SIPA1L1: variants seen among roughly 807,000 people sequenced by gnomAD.
The protein encoded by SIPA1L1 is signal-induced proliferation-associated 1-like protein 1.
A neutral mutation model predicts 162.7 loss-of-function variants in SIPA1L1; 26 were observed. The ratio of observed to expected loss-of-function variants is 0.16; its 90% CI spans 0.12 to 0.22. The LOEUF (loss-of-function observed/expected upper bound fraction) is 0.22, where lower values mean the gene tolerates loss of function less well. Ranked by LOEUF, SIPA1L1 falls within the 10% of genes least tolerant of loss-of-function variation. The probability of loss-of-function intolerance (pLI) is 1.00; values close to 1 mark genes in which losing one functional copy is unlikely to be tolerated. For missense variants in SIPA1L1, 1,874 were observed against 2,241.0 expected (o/e 0.84, Z 3.31); for synonymous variants, 829 against 837.4 (o/e 0.99, Z 0.17).
At position 71,739,380 on chromosome 14, in the gene SIPA1L1, GTAAAA is replaced by G. The variant is rs999959298; in HGVS notation, c.*225_*229del. 8 of 337,850 alleles carry G rather than the reference GTAAAA, an allele frequency of 2.4e-5. No homozygotes were observed. The highest frequency in any genetic ancestry group is 4.2e-5 in the Non-Finnish European group (8 of 188,776). The allele number at this position is 337,850 out of a possible 1,614,324, so 20.9% of individuals were successfully genotyped here. On this transcript the variant is annotated 3_prime_UTR_variant, in exon 24 of 24. Coordinates refer to ENST00000381232, the MANE Select transcript of SIPA1L1 (RefSeq NM_001386936.1). ...AAAAAGTAAATAAAAATTTTAAACAGTAAAATAAAAGTTTAACTGCTAAAATGTGA... is the reference window on the plus strand; with the variant it reads ...AAAAAGTAAATAAAAATTTTAAACAGTAAAAGTTTAACTGCTAAAATGTGA...
intron 2 of SIPA1L1, chr14:71,330,852 AT>A: frequency 1.7e-6 from 1 of 576,578 alleles, no homozygotes. Context: ...ATTTGCAAAT[AT>A]TTTTTCCACT....
At chr14:71,342,302 G>A (rs1056828964) in intron 2 of SIPA1L1, among the ~76,000 whole-genome samples, 13 of 152,240 alleles carry the variant, frequency 8.5e-5, no homozygotes, top group African/African-American at 3.1e-4. Flanking sequence ...TTAGAGATGT[G>A]AGCCACCGTA....
intron 4 of SIPA1L1, among the ~76,000 whole-genome samples, chr14:71,551,691 G>A (rs1342029578): frequency 2.0e-5 from 3 of 152,036 alleles, no homozygotes; most frequent in African/African-American, 7.3e-5. Context: ...CCCATACCAG[G>A]CCCTGCAAGC....
At chr14:71,330,474 T>C in intron 2 of SIPA1L1, 3 of 1,606,386 alleles carry the variant, frequency 1.9e-6, no homozygotes, top group Non-Finnish European at 1.7e-6. Flanking sequence ...CATTCACAGC[T>C]AGAACTTGGT....
chr14:71,661,111 A>G lies in SIPA1L1; in HGVS notation c.2098-199A>G, dbSNP rs2043469442. On this transcript the variant is annotated intron_variant, in intron 9 of 23. Transcript: ENST00000381232. ...TTTGAATGGCTGTATCTTTTATGCA[A>G]ATTTCAGAATGTTCGTTTCTATGTT... 2.0e-5 allele frequency among the ~76,000 whole-genome samples: 3 copies of G among 152,260 alleles called. No homozygotes were observed. In the South Asian group the frequency reaches 6.2e-4, roughly 32 times the overall value.
chr14:71,689,699 G>T (rs2081116730), intron 13 of SIPA1L1, among the ~76,000 whole-genome samples: 1 of 152,018 alleles, frequency 6.6e-6, no homozygotes, highest in South Asian at 2.1e-4. Context: ...TTTGATGTTA[G>T]AGCTCACTGA....
At chr14:71,444,452 A>C (rs934407641) in intron 2 of SIPA1L1, among the ~76,000 whole-genome samples, 1 of 152,184 alleles carries the variant, frequency 6.6e-6, no homozygotes, top group African/African-American at 2.4e-5. Flanking sequence ...AAGAAGGTAA[A>C]AAGTTCCCAG....
chr14:71,718,117 A>C (rs2083409070), intron 17 of SIPA1L1, among the ~76,000 whole-genome samples: 1 of 152,188 alleles, frequency 6.6e-6, no homozygotes, highest in Non-Finnish European at 1.5e-5. Flanking sequence ...CATTTTACCT[A>C]ATCTTCCAGG....
chr14:71,401,397 CTTT>C (rs774351095), intron 2 of SIPA1L1, among the ~76,000 whole-genome samples: 1 of 135,888 alleles, frequency 7.4e-6, no homozygotes, highest in Non-Finnish European at 1.6e-5. Flanking sequence ...AAAAAGGCTG[CTTT>C]TTTTTTTTTT....
chr14:71,684,573 C>T (rs2046107476), intron 12 of SIPA1L1, among the ~76,000 whole-genome samples: 1 of 152,190 alleles, frequency 6.6e-6, no homozygotes, highest in African/African-American at 2.4e-5. Flanking sequence ...GGAGCCCAGT[C>T]GCAATGTGCG....
intron 13 of SIPA1L1, among the ~76,000 whole-genome samples, chr14:71,686,381 A>G (rs2080867326): frequency 6.6e-6 from 1 of 152,206 alleles, no homozygotes; most frequent in African/African-American, 2.4e-5. Context: ...CCAGGCCTAA[A>G]ATTAAACTAG....
chr14:71,343,473 A>G (rs980376086), intron 2 of SIPA1L1, among the ~76,000 whole-genome samples: 1 of 152,132 alleles, frequency 6.6e-6, no homozygotes, highest in Non-Finnish European at 1.5e-5. Context: ...ATTTAAATGT[A>G]CCGTCTTTGA....
intron 17 of SIPA1L1, among the ~76,000 whole-genome samples, chr14:71,721,478 G>C (rs1280330213): frequency 2.6e-5 from 4 of 152,216 alleles, no homozygotes; most frequent in South Asian, 4.1e-4. Context: ...GGGCTGGTTA[G>C]TCAGCAGGTG....
intron 2 of SIPA1L1, among the ~76,000 whole-genome samples, chr14:71,426,343 T>G (rs1303694924): frequency 6.6e-6 from 1 of 152,026 alleles, no homozygotes; most frequent in Non-Finnish European, 1.5e-5. Flanking sequence ...TGTTGACTTT[T>G]GTATTTGTTT....
In SIPA1L1 at chr14:71,709,313, A is replaced by T. The variant is rs768141986; in HGVS notation, c.3857A>T (p.Asp1286Val). The T allele has an allele frequency of 6.2e-7, 1 of 1,614,212 alleles. No individual in the cohort carries two copies. The change falls in exon 17 of 24, where the codon GAC (aspartate) becomes GTC (valine). Residue 1286 changes from aspartate (D) to valine (V), a missense_variant. This residue lies in a region of SIPA1L1 where 936 missense variants were observed against 1,051.9 expected (regional missense o/e 0.89). Coordinates refer to ENST00000381232, the MANE Select transcript of SIPA1L1 (RefSeq NM_001386936.1). ...AGTGATGAGAAGTGGTACGATGGGG[A>T]CCGCACAGAATCCGAACTCAACAGC... ...AHSDEKWYDG[D>V]RTESELNSYN...
At chr14:71,632,650 C>T (rs762631281) in intron 7 of SIPA1L1, among the ~76,000 whole-genome samples, 8 of 152,112 alleles carry the variant, frequency 5.3e-5, no homozygotes, top group South Asian at 4.1e-4. Context: ...CCAGCAATAA[C>T]GGGGTCTTCT....
intron 6 of SIPA1L1, among the ~76,000 whole-genome samples, chr14:71,623,227 C>T (rs1430720448): frequency 2.0e-5 from 3 of 152,174 alleles, no homozygotes; most frequent in Non-Finnish European, 2.9e-5. Flanking sequence ...AACTTGCACT[C>T]CTAGCTTTTG....
chr14:71,624,854 A>G lies in SIPA1L1; in HGVS notation c.1818+618A>G, dbSNP rs144539719. 6.7e-3 allele frequency among the ~76,000 whole-genome samples: 1,026 copies of G among 152,322 alleles called. 7 individuals are homozygous for G. The highest frequency in any genetic ancestry group is 0.012 in the Non-Finnish European group (797 of 68,028). On this transcript the variant is annotated intron_variant, in intron 7 of 23. Coordinates refer to ENST00000381232, the MANE Select transcript of SIPA1L1 (RefSeq NM_001386936.1). Reference sequence around the variant, plus strand: ...GTTTCAAAGTCTATTAGTACCACCAAAGATATATTCTAGCCAAGATTTTTA... The same window carrying G: ...GTTTCAAAGTCTATTAGTACCACCAGAGATATATTCTAGCCAAGATTTTTA...
intron 16 of SIPA1L1, among the ~76,000 whole-genome samples, chr14:71,708,664 C>A (rs955568033): frequency 1.3e-5 from 2 of 152,164 alleles, no homozygotes; most frequent in African/African-American, 4.8e-5. Flanking sequence ...TCAGTTGTCT[C>A]ACCATCATTT....
Sources: allele counts gnomAD v4.1 joint callset (sites outside exome capture counted in the v4.1 genomes callset), GRCh38; gene constraint gnomAD v4.1.1; regional missense constraint gnomAD v4.1.1; transcripts MANE v1.5; gene names NCBI Gene and HGNC (gene_info 2026-07-23, HGNC 2026-07-21).